The following MPPED2 variants were observed in gnomAD, a reference collection of about 807,000 sequenced individuals.
The protein encoded by MPPED2 is metallophosphoesterase domain containing 2.
In MPPED2, 5 loss-of-function variants were observed where a neutral mutation model predicts 33.0. The ratio of observed to expected loss-of-function variants is 0.15; its 90% CI spans 0.08 to 0.32. The LOEUF (loss-of-function observed/expected upper bound fraction) is 0.32, where lower values mean the gene tolerates loss of function less well. MPPED2 is among the 10% of genes least tolerant of loss of function. MPPED2 has a pLI of 1.00. For missense variants in MPPED2, 275 were observed against 372.1 expected, an observed-to-expected ratio of 0.74 and a Z score of 2.15; for synonymous variants, 136 against 141.9, an observed-to-expected ratio of 0.96 and a Z score of 0.29.
chr11:30,411,255 T>C lies in MPPED2; in HGVS notation c.*213A>G. 1 of 1,194,084 alleles carries C rather than the reference T, an allele frequency of 8.4e-7. No individual in the cohort carries two copies. Among genetic ancestry groups the C allele is most frequent in the Non-Finnish European group, 1.0e-6 (1 of 960,248 alleles). The allele number at this position is 1,194,084 out of a possible 1,614,324, so 74.0% of individuals were successfully genotyped here. A position where few individuals can be genotyped will look rare whatever the true frequency, so the allele number is the denominator to read the frequency against. ...ATGGCCTTTGAGAAAACAGAAGTCA[T>C]TTTACAAATTCACAATGTTCCTCTG... is the stretch of plus-strand genomic sequence containing the variant. On this transcript the variant is annotated 3_prime_UTR_variant, in exon 7 of 7. Transcript: ENST00000358117.
chr11:30,527,614 G>A (rs796091438), intron 3 of MPPED2, among the ~76,000 whole-genome samples: 1 of 152,278 alleles, frequency 6.6e-6, no homozygotes, highest in African/African-American at 2.4e-5. Flanking sequence ...GTTAATCAGA[G>A]TCTAAGGAGA....
rs199611856 is a variant in MPPED2, at chr11:30,583,134, C to CTTTT, written c.-121-2644_-121-2641dup. On this transcript the variant is annotated intron_variant, in intron 1 of 6. Transcript: ENST00000358117. The stretch of plus-strand genomic sequence containing the variant: ...CACAAACACCTGGAAAAGACTTTTT[C>CTTTT]TTTTTTTTTTTTTTTTTTTTTTTTT... Among the ~76,000 whole-genome samples, 248 of 96,620 alleles carry CTTTT rather than the reference C, an allele frequency of 2.6e-3. 17 individuals are homozygous for CTTTT. The highest frequency in any genetic ancestry group is 7.5e-3 in the African/African-American group (156 of 20,666). The allele number at this position is 96,620 out of a possible 152,430, so 63.4% of individuals were successfully genotyped here.
chr11:30,436,246 T>A (rs566157642), intron 4 of MPPED2, among the ~76,000 whole-genome samples: 1 of 152,130 alleles, frequency 6.6e-6, no homozygotes, highest in Admixed American at 6.5e-5. Flanking sequence ...ATTGAGTACT[T>A]GATAAATATT....
At position 30,540,843 on chromosome 11, in the gene MPPED2, T is replaced by C. The variant is rs558662734; in HGVS notation, c.129-4668A>G. ...TCAACTATTTGAAAACAATCTATTA[T>C]AATCCCCGGAAATCATCTCCACTCT... is the stretch of plus-strand genomic sequence containing the variant. On this transcript the variant is annotated intron_variant, in intron 2 of 6. Coordinates refer to ENST00000358117, the MANE Select transcript of MPPED2 (RefSeq NM_001584.3). Among the ~76,000 whole-genome samples the C allele has an allele frequency of 8.5e-5, 13 of 152,338 alleles. No individual in the cohort carries two copies. The East Asian group carries it at 2.5e-3, about 29-fold the overall frequency.
At chr11:30,540,785 A>G (rs78088069) in intron 2 of MPPED2, among the ~76,000 whole-genome samples, 2,941 of 152,288 alleles carry the variant, frequency 0.019, 107 homozygotes, top group African/African-American at 0.067. Flanking sequence ...ACAAGAAAAT[A>G]AGAACCCAGT....
intron 4 of MPPED2, among the ~76,000 whole-genome samples, chr11:30,489,053 T>TCC (rs1491453267): frequency 8.7e-5 from 1 of 11,450 alleles, no homozygotes; most frequent in Admixed American, 8.7e-4. Flanking sequence ...CTTCTTCTCC[T>TCC]TTTTTTTTTT....
intron 3 of MPPED2, among the ~76,000 whole-genome samples, chr11:30,520,703 A>G (rs773598189): frequency 3.0e-4 from 45 of 152,350 alleles, no homozygotes; most frequent in Admixed American, 4.6e-4. Context: ...TCATTTCTTA[A>G]AATAATTATC....
chr11:30,542,690 A>G (rs957696372), intron 2 of MPPED2, among the ~76,000 whole-genome samples: 1 of 152,102 alleles, frequency 6.6e-6, no homozygotes, highest in Non-Finnish European at 1.5e-5. Flanking sequence ...TGTTTAAGGT[A>G]TGTCTCCTCT....
intron 3 of MPPED2, among the ~76,000 whole-genome samples, chr11:30,526,347 G>A (rs986974864): frequency 1.3e-5 from 2 of 151,896 alleles, no homozygotes; most frequent in Non-Finnish European, 1.5e-5. Flanking sequence ...AAAAAAAATA[G>A]AAAAAAGGAC....
intron 3 of MPPED2, among the ~76,000 whole-genome samples, chr11:30,525,211 C>T (rs1483353185): frequency 6.6e-6 from 1 of 152,192 alleles, no homozygotes; most frequent in Non-Finnish European, 1.5e-5. Flanking sequence ...CTTCTGCATT[C>T]TCAGTGCCTC....
chr11:30,487,453 G>A (rs1209751708), intron 4 of MPPED2, among the ~76,000 whole-genome samples: 1 of 152,158 alleles, frequency 6.6e-6, no homozygotes, highest in Non-Finnish European at 1.5e-5. Flanking sequence ...AACAGCAGGA[G>A]CTGACTCATG....
chr11:30,490,339 GAAAAA>G (rs1332907348), intron 4 of MPPED2, among the ~76,000 whole-genome samples: 1 of 151,960 alleles, frequency 6.6e-6, no homozygotes, highest in African/African-American at 2.4e-5. Context: ...AAAAGAATGA[GAAAAA>G]AACAACAATA....
chr11:30,463,292 C>G (rs1014293631), intron 4 of MPPED2, among the ~76,000 whole-genome samples: 4 of 152,128 alleles, frequency 2.6e-5, no homozygotes, highest in African/African-American at 9.7e-5. Context: ...TATTTCCTAC[C>G]CCCAGTAAAC....
At chr11:30,508,834 G>A (rs1188893909) in intron 3 of MPPED2, among the ~76,000 whole-genome samples, 2 of 152,134 alleles carry the variant, frequency 1.3e-5, no homozygotes, top group Non-Finnish European at 2.9e-5. Context: ...CTTGCCAAGT[G>A]CTTGCAGTTC....
chr11:30,411,556 G>A lies in MPPED2; in HGVS notation c.797C>T (p.Thr266Met), dbSNP rs763721239. The A allele has an allele frequency of 4.3e-6, 7 of 1,613,652 alleles. No homozygotes were observed. The highest frequency in any genetic ancestry group is 1.6e-4 in the Middle Eastern group (1 of 6,080). The change falls in exon 7 of 7, where the codon ACG becomes ATG. Residue 266 changes from threonine to methionine, a missense_variant. Thr to Met is a moderately conservative substitution (Grantham distance 81). Coordinates refer to ENST00000358117, the MANE Select transcript of MPPED2 (RefSeq NM_001584.3). ...GYGIMTDGYTTYINASTCTVS... is the reference protein window; with the variant it reads ...GYGIMTDGYTMYINASTCTVS... ...TGTACACGTCGAGGCATTGATGTAC[G>A]TTGTGTAACCGTCGGTCATGATGCC...
intron 2 of MPPED2, among the ~76,000 whole-genome samples, chr11:30,549,662 T>TA (rs1955605207): frequency 6.6e-6 from 1 of 152,102 alleles, no homozygotes; most frequent in South Asian, 2.1e-4. Flanking sequence ...AGCCTTCTCC[T>TA]AAAAACAAAA....
chr11:30,497,769 A>G (rs988788012), intron 3 of MPPED2, among the ~76,000 whole-genome samples: 16 of 151,354 alleles, frequency 1.1e-4, no homozygotes, highest in Admixed American at 6.6e-4. Context: ...AAAGACAAGC[A>G]TCTTTGGTGT....
At chr11:30,547,448 T>C (rs1180709799) in intron 2 of MPPED2, among the ~76,000 whole-genome samples, 1 of 152,206 alleles carries the variant, frequency 6.6e-6, no homozygotes, top group African/African-American at 2.4e-5. Context: ...AAAATCTCTG[T>C]GTGATGTTTG....
At chr11:30,519,138 C>A (rs1953702732) in intron 3 of MPPED2, among the ~76,000 whole-genome samples, 1 of 151,876 alleles carries the variant, frequency 6.6e-6, no homozygotes, top group South Asian at 2.1e-4. Context: ...AAATATTAGC[C>A]AGGCATGGTG....
Sources: gnomAD v4.1 joint callset for allele counts (sites outside exome capture counted in the v4.1 genomes callset) on GRCh38, gnomAD v4.1.1 for gene constraint, MANE v1.5 for transcripts, NCBI Gene and HGNC (gene_info 2026-07-23, HGNC 2026-07-21) for gene names.